Variants in FHIT observed in about 807,000 individuals in gnomAD.
The protein encoded by FHIT is bis(5'-adenosyl)-triphosphatase.
In FHIT, 19 loss-of-function variants were observed where a neutral mutation model predicts 17.9. That is an observed-to-expected ratio of 1.06 (90% confidence interval 0.74 to 1.56). The LOEUF (loss-of-function observed/expected upper bound fraction) is 1.56. Among genes scored for constraint, FHIT ranks in the 40% most tolerant of loss-of-function variants. FHIT has a pLI of 0.00. For missense variants in FHIT, 248 were observed against 189.2 expected (o/e 1.31, Z -1.82); for synonymous variants, 81 against 69.7 (o/e 1.16, Z -0.81).
At chr3:60,334,733 G>A (rs1428804155) in intron 5 of FHIT, among the ~76,000 whole-genome samples, 2 of 152,244 alleles carry the variant, frequency 1.3e-5, no homozygotes, top group African/African-American at 2.4e-5. Flanking sequence ...GTTGCAGTGA[G>A]CTGAGACCAC....
At chr3:60,974,252 T>C (rs1233686590) in intron 3 of FHIT, among the ~76,000 whole-genome samples, 3 of 152,218 alleles carry the variant, frequency 2.0e-5, no homozygotes, top group African/African-American at 7.2e-5. Context: ...ATAGCCACTA[T>C]CTTTTTTCTT....
rs61056807 is a variant in FHIT at position 60,772,314 on chromosome 3, C to CTATA, written c.-18+49601_-18+49604dup. Among the ~76,000 whole-genome samples the CTATA allele has an allele frequency of 3.4e-3, 488 of 143,146 alleles. 4 individuals are homozygous for CTATA. The highest frequency in any genetic ancestry group is 4.0e-3 in the African/African-American group (155 of 38,774). The allele number at this position is 143,146 out of a possible 152,430, so 93.9% of individuals were successfully genotyped here. On this transcript the variant is annotated intron_variant, in intron 4 of 9. Coordinates refer to ENST00000492590, the MANE Select transcript of FHIT (RefSeq NM_002012.4). ...ATTAAGTAGATTGTTCACTTCTCAT[C>CTATA]TATATATATATATATATATATATAT...
At chr3:61,115,210 T>A (rs948671517) in intron 2 of FHIT, among the ~76,000 whole-genome samples, 6 of 152,200 alleles carry the variant, frequency 3.9e-5, no homozygotes, top group African/African-American at 1.4e-4. Context: ...TGCCATTGTG[T>A]ATAATCAGTG....
chr3:60,555,047 T>C (rs894369438), intron 4 of FHIT, among the ~76,000 whole-genome samples: 5 of 152,246 alleles, frequency 3.3e-5, no homozygotes, highest in African/African-American at 7.2e-5. Flanking sequence ...TACGTAACAG[T>C]GTACTACAGG....
intron 4 of FHIT, among the ~76,000 whole-genome samples, chr3:60,749,597 T>G (rs1342068940): frequency 6.6e-5 from 10 of 152,146 alleles, no homozygotes; most frequent in African/African-American, 2.4e-4. Context: ...TTGTCACCAC[T>G]AACACAAATA....
At chr3:61,108,681 G>A (rs965654385) in intron 2 of FHIT, among the ~76,000 whole-genome samples, 1 of 152,110 alleles carries the variant, frequency 6.6e-6, no homozygotes, top group South Asian at 2.1e-4. Context: ...CAAGGCAAGC[G>A]GGCCTCAAGA....
intron 3 of FHIT, among the ~76,000 whole-genome samples, chr3:60,919,352 A>C (rs1553767730): frequency 1.3e-5 from 2 of 152,186 alleles, no homozygotes; most frequent in Admixed American, 6.5e-5. Context: ...AGAAGTAAAT[A>C]CAACTTTATA....
At chr3:60,045,792 C>G (rs17061923) in intron 5 of FHIT, among the ~76,000 whole-genome samples, 1 of 152,018 alleles carries the variant, frequency 6.6e-6, no homozygotes, top group African/African-American at 2.4e-5. Context: ...TGGGTGATTT[C>G]CAAGTCTCTG....
At chr3:59,933,882 C>A (rs534306994) in intron 7 of FHIT, among the ~76,000 whole-genome samples, 38 of 152,252 alleles carry the variant, frequency 2.5e-4, no homozygotes, top group African/African-American at 7.5e-4. Context: ...AAAGAAGGCT[C>A]TGTGAAAGTT....
chr3:60,114,034 A>AAAAAT (rs1704821362), intron 5 of FHIT, among the ~76,000 whole-genome samples: 2 of 14,678 alleles, frequency 1.4e-4, no homozygotes, highest in Non-Finnish European at 2.0e-4. Context: ...AAAAAAAAAA[A>AAAAAT]AAATATATAT....
intron 5 of FHIT, among the ~76,000 whole-genome samples, chr3:60,368,402 C>A (rs1318404082): frequency 1.3e-5 from 2 of 151,796 alleles, no homozygotes; most frequent in Non-Finnish European, 2.9e-5. Flanking sequence ...TATTGAACAC[C>A]TTTTAATGGA....
intron 5 of FHIT, among the ~76,000 whole-genome samples, chr3:60,462,314 G>A (rs1271375056): frequency 6.6e-6 from 1 of 152,180 alleles, no homozygotes; most frequent in African/African-American, 2.4e-5. Flanking sequence ...AGGAGCCACT[G>A]AGGCACAGAG....
intron 3 of FHIT, among the ~76,000 whole-genome samples, chr3:60,829,793 C>T (rs993798353): frequency 6.6e-6 from 1 of 152,194 alleles, no homozygotes; most frequent in Admixed American, 6.5e-5. Context: ...CTCCCCACAA[C>T]ATCCTTCTTT....
chr3:61,004,093 C>G (rs986729944), intron 3 of FHIT, among the ~76,000 whole-genome samples: 28 of 151,966 alleles, frequency 1.8e-4, no homozygotes, highest in Admixed American at 1.8e-3. Flanking sequence ...AATCCCTACC[C>G]TAAAGGAGTG....
chr3:59,961,570 G>A (rs1049886398), intron 7 of FHIT, among the ~76,000 whole-genome samples: 2 of 152,120 alleles, frequency 1.3e-5, no homozygotes, highest in Non-Finnish European at 2.9e-5. Flanking sequence ...CTCCTGGTCT[G>A]TGGGTTGTGA....
At chr3:60,090,171 T>C (rs1411560484) in intron 5 of FHIT, among the ~76,000 whole-genome samples, 1 of 151,954 alleles carries the variant, frequency 6.6e-6, no homozygotes, top group African/African-American at 2.4e-5. Flanking sequence ...TACATGACAA[T>C]GCTACAATTA....
intron 4 of FHIT, among the ~76,000 whole-genome samples, chr3:60,705,157 A>G (rs1553703183): frequency 6.6e-6 from 1 of 152,134 alleles, no homozygotes; most frequent in African/African-American, 2.4e-5. Context: ...CATACTTTAT[A>G]TTTTTACACT....
chr3:60,196,021 T>A (rs1015366428), intron 5 of FHIT, among the ~76,000 whole-genome samples: 1 of 152,124 alleles, frequency 6.6e-6, no homozygotes, highest in Non-Finnish European at 1.5e-5. Context: ...CCCCTAAAGC[T>A]ATTGAAATTT....
chr3:59,996,021 A>C (rs1699495281), intron 7 of FHIT, among the ~76,000 whole-genome samples: 1 of 152,122 alleles, frequency 6.6e-6, no homozygotes, highest in African/African-American at 2.4e-5. Flanking sequence ...GGCCAGGATG[A>C]CACTGGCTTT....
Sources: gnomAD v4.1 joint callset for allele counts (sites outside exome capture counted in the v4.1 genomes callset) on GRCh38, gnomAD v4.1.1 for gene constraint, MANE v1.5 for transcripts, NCBI Gene and HGNC (gene_info 2026-07-23, HGNC 2026-07-21) for gene names.